Variants in DLGAP2 observed in about 807,000 individuals in gnomAD.
DLGAP2 encodes the protein disks large-associated protein 2.
DLGAP2 carries 26 observed loss-of-function variants against 100.3 expected under a neutral mutation model. The observed-to-expected ratio is 0.26, with a 90% CI of 0.19 to 0.36. DLGAP2 has a LOEUF of 0.36. DLGAP2 is among the 10% of genes least tolerant of loss of function. The pLI is 1.00. For synonymous variants in DLGAP2, 886 were observed against 630.1 expected (o/e 1.41, Z -6.08); for missense variants, 1,858 against 1,453.2 (o/e 1.28, Z -4.53).
intron 2 of DLGAP2, among the ~76,000 whole-genome samples, chr8:1,150,992 AACAC>A (rs1342730859): frequency 6.6e-6 from 1 of 152,238 alleles, no homozygotes; most frequent in Non-Finnish European, 1.5e-5. Context: ...ACATGTATGA[AACAC>A]ACATACATAC....
chr8:1,623,186 C>T (rs113939530), intron 6 of DLGAP2, among the ~76,000 whole-genome samples: 3,220 of 152,354 alleles, frequency 0.021, 33 homozygotes, highest in Non-Finnish European at 0.032. Flanking sequence ...GGTCCTATGA[C>T]TCAGCATCTT....
At chr8:1,054,968 A>G (rs1802834315) in intron 2 of DLGAP2, among the ~76,000 whole-genome samples, 1 of 152,264 alleles carries the variant, frequency 6.6e-6, no homozygotes, top group African/African-American at 2.4e-5. Context: ...TTCCTCATGA[A>G]GCAATAATCG....
intron 6 of DLGAP2, among the ~76,000 whole-genome samples, chr8:1,581,390 T>G (rs1473114620): frequency 3.8e-5 from 4 of 105,824 alleles, no homozygotes; most frequent in African/African-American, 1.5e-4. Context: ...CTACCAGAAG[T>G]GAAGGATACA....
chr8:1,059,795 A>G (rs1047423465), intron 2 of DLGAP2, among the ~76,000 whole-genome samples: 1 of 152,152 alleles, frequency 6.6e-6, no homozygotes, highest in Admixed American at 6.5e-5. Flanking sequence ...AACCACCAGG[A>G]CAGACAGAGA....
At chr8:1,319,008 G>A (rs1409143260) in intron 3 of DLGAP2, among the ~76,000 whole-genome samples, 1 of 152,104 alleles carries the variant, frequency 6.6e-6, no homozygotes, top group East Asian at 1.9e-4. Context: ...AGGAGATTTA[G>A]GTGGTGTATC....
intron 3 of DLGAP2, among the ~76,000 whole-genome samples, chr8:1,476,948 C>G (rs1798949691): frequency 6.6e-6 from 1 of 151,964 alleles, no homozygotes; most frequent in Non-Finnish European, 1.5e-5. Context: ...CCAGCCTGTT[C>G]TGCCAAGTCA....
At chr8:1,098,919 T>A (rs1409668798) in intron 2 of DLGAP2, among the ~76,000 whole-genome samples, 1 of 152,180 alleles carries the variant, frequency 6.6e-6, no homozygotes, top group Non-Finnish European at 1.5e-5. Context: ...ACGACTTTGC[T>A]ATTGCTTTTT....
intron 6 of DLGAP2, among the ~76,000 whole-genome samples, chr8:1,595,943 A>T (rs979675880): frequency 6.6e-6 from 1 of 151,888 alleles, no homozygotes; most frequent in Non-Finnish European, 1.5e-5. Flanking sequence ...ACATATGTAT[A>T]CATGTGCCAT....
chr8:895,240 C>T (rs941162327), intron 1 of DLGAP2, among the ~76,000 whole-genome samples: 8 of 152,056 alleles, frequency 5.3e-5, no homozygotes, highest in South Asian at 2.1e-4. Context: ...TTGGTCATTC[C>T]ACAATGTATG....
chr8:1,485,357 A>T (rs1423055862), intron 3 of DLGAP2, among the ~76,000 whole-genome samples: 2 of 152,234 alleles, frequency 1.3e-5, no homozygotes, highest in African/African-American at 4.8e-5. Context: ...CTATGATTCA[A>T]ATGCAGAAAA....
intron 2 of DLGAP2, among the ~76,000 whole-genome samples, chr8:1,254,188 C>A (rs964938231): frequency 6.6e-6 from 1 of 152,176 alleles, no homozygotes; most frequent in South Asian, 2.1e-4. Context: ...CAGTCTGCCT[C>A]TCCCTTCCCT....
At chr8:1,579,395 G>C (rs1803133384) in intron 6 of DLGAP2, among the ~76,000 whole-genome samples, 1 of 151,846 alleles carries the variant, frequency 6.6e-6, no homozygotes, top group Admixed American at 6.6e-5. Flanking sequence ...GACGTATCTG[G>C]GCATGATTCC....
intron 2 of DLGAP2, among the ~76,000 whole-genome samples, chr8:1,180,165 T>C (rs989065515): frequency 1.3e-5 from 2 of 152,204 alleles, no homozygotes; most frequent in East Asian, 1.9e-4. Flanking sequence ...ACTGAGGACG[T>C]AAATTACACT....
chr8:1,182,964 G>A (rs1410373405), intron 2 of DLGAP2, among the ~76,000 whole-genome samples: 4 of 152,182 alleles, frequency 2.6e-5, no homozygotes, highest in Non-Finnish European at 5.9e-5. Flanking sequence ...TGGAGCCGGT[G>A]GAAGGTAGAC....
intron 2 of DLGAP2, among the ~76,000 whole-genome samples, chr8:917,717 A>G (rs1798625936): frequency 6.6e-6 from 1 of 152,046 alleles, no homozygotes; most frequent in African/African-American, 2.4e-5. Context: ...AGTAGCTGGG[A>G]TTACAGGGGT....
intron 2 of DLGAP2, among the ~76,000 whole-genome samples, chr8:1,204,820 G>C (rs1797955577): frequency 6.6e-6 from 1 of 152,174 alleles, no homozygotes. Context: ...AGAGAGAGAA[G>C]CTTAGATTTA....
chr8:1,454,998 C>T lies in DLGAP2; in HGVS notation c.107-46368C>T, dbSNP rs1365927499. Among the ~76,000 whole-genome samples, 3 of 152,180 alleles carry T rather than the reference C, an allele frequency of 2.0e-5. No individual in the cohort carries two copies. The East Asian group carries it at 5.8e-4, about 29-fold the overall frequency. The stretch of plus-strand genomic sequence containing the variant: ...ATTCACCCATGGTAAGGCACAGCCA[C>T]CCGTGAGCACTGTCAGCTACATCTT... On this transcript the variant is annotated intron_variant, in intron 3 of 14. Transcript: ENST00000637795.
At chr8:1,362,822 G>A (rs1301923540) in intron 3 of DLGAP2, among the ~76,000 whole-genome samples, 1 of 152,218 alleles carries the variant, frequency 6.6e-6, no homozygotes, top group Non-Finnish European at 1.5e-5. Flanking sequence ...CTGGGCTTCT[G>A]GGCTTCTCCT....
Position 1,119,402 on chromosome 8 carries a change from C to T in DLGAP2, c.74-139449C>T, listed in dbSNP as rs905149459. ...GGCTGACTGTGCATCTACTGCAGTG[C>T]GTCATGTGAGTGCTGGTTTTATTCC... On this transcript the variant is annotated intron_variant, in intron 2 of 14. Transcript: ENST00000637795. 6.6e-5 allele frequency among the ~76,000 whole-genome samples: 10 copies of T among 152,206 alleles called. 1 individual carries two copies. Among genetic ancestry groups the T allele is most frequent in the South Asian group, 4.1e-4 (2 of 4,826 alleles).
Sources: gnomAD v4.1 joint callset for allele counts (sites outside exome capture counted in the v4.1 genomes callset) on GRCh38, gnomAD v4.1.1 for gene constraint, MANE v1.5 for transcripts, NCBI Gene and HGNC (gene_info 2026-07-23, HGNC 2026-07-21) for gene names.